COMMD10: variants seen among roughly 807,000 people sequenced by gnomAD.
COMMD10 encodes the protein COMM domain containing 10.
COMMD10 carries 33 observed loss-of-function variants against 28.9 expected under a neutral mutation model. That is an observed-to-expected ratio of 1.14 (90% CI 0.87 to 1.53). COMMD10 has a LOEUF of 1.53. Among genes scored for constraint, COMMD10 ranks in the 40% most tolerant of loss-of-function variants. COMMD10 has a pLI of 0.00. For synonymous variants in COMMD10, 110 were observed against 81.7 expected (o/e 1.35, Z -1.87); for missense variants, 310 against 233.4 (o/e 1.33, Z -2.14).
intron 5 of COMMD10, among the ~76,000 whole-genome samples, chr5:116,196,966 T>C (rs1292645493): frequency 6.6e-6 from 1 of 152,184 alleles, no homozygotes; most frequent in African/African-American, 2.4e-5. Flanking sequence ...TATCTTTCAG[T>C]ATGTGCTTAC....
At chr5:116,198,747 T>A (rs7725500) in intron 5 of COMMD10, among the ~76,000 whole-genome samples, 98,342 of 152,080 alleles carry the variant, frequency 0.65, 36,808 homozygotes, top group South Asian at 0.86. Flanking sequence ...CTTTCACTTA[T>A]TAGTATGCAT....
At chr5:116,247,941 C>T (rs1749996547) in intron 5 of COMMD10, among the ~76,000 whole-genome samples, 1 of 151,712 alleles carries the variant, frequency 6.6e-6, no homozygotes, top group African/African-American at 2.4e-5. Flanking sequence ...AGCAAATATG[C>T]ACATGTACCC....
intron 5 of COMMD10, among the ~76,000 whole-genome samples, chr5:116,206,253 A>G (rs1363482): frequency 0.37 from 56,459 of 152,096 alleles, 13,034 homozygotes; most frequent in African/African-American, 0.66. Flanking sequence ...TATTTGTTCC[A>G]TTGAGTAGCC....
chr5:116,292,481 C>G lies in COMMD10; in HGVS notation c.601C>G (p.Leu201Val). The change falls in exon 7 of 7, where the codon CTT becomes GTT. Residue 201 changes from leucine to valine, a missense_variant. Transcript: ENST00000274458. ...LETIQAQLDS[L>V]T is the part of the protein sequence containing the mutation. Reference sequence around the variant, plus strand: ...GACTATACAAGCACAGCTGGATTCCCTTACATGATGTTTTCGAAGACTGTT... The same window carrying G: ...GACTATACAAGCACAGCTGGATTCCGTTACATGATGTTTTCGAAGACTGTT... The G allele has an allele frequency of 1.3e-6, 2 of 1,579,120 alleles. No homozygotes were observed. The highest frequency in any genetic ancestry group is 1.7e-6 in the Non-Finnish European group (2 of 1,162,492).
rs193097080 is a variant in COMMD10, at chr5:116,222,883, G to A, written c.511-68634G>A. Among the ~76,000 whole-genome samples, 332 of 152,160 alleles carry A rather than the reference G, an allele frequency of 2.2e-3. 1 individual carries two copies. The highest frequency in any genetic ancestry group is 4.0e-3 in the Non-Finnish European group (270 of 67,984). On this transcript the variant is annotated intron_variant, in intron 5 of 6. Coordinates refer to ENST00000274458, the MANE Select transcript of COMMD10 (RefSeq NM_016144.4). ...ATTTTTTGTATTTTTGGTAGGGACA[G>A]GGTTTCACCATGTTGATCAGGCTTG... is the stretch of plus-strand genomic sequence containing the variant.
At chr5:116,091,958 A>G (rs973065949) in intron 3 of COMMD10, among the ~76,000 whole-genome samples, 1 of 152,248 alleles carries the variant, frequency 6.6e-6, no homozygotes, top group Non-Finnish European at 1.5e-5. Flanking sequence ...CATACATTAT[A>G]GATCACAAAG....
chr5:116,148,396 G>A (rs747421970), intron 5 of COMMD10, among the ~76,000 whole-genome samples: 2 of 151,554 alleles, frequency 1.3e-5, no homozygotes, highest in Non-Finnish European at 2.9e-5. Flanking sequence ...GAGTAGATAC[G>A]AAGTTTCTTT....
At chr5:116,217,987 C>T (rs1749149225) in intron 5 of COMMD10, 1 of 921,234 alleles carries the variant, frequency 1.1e-6, no homozygotes, top group Non-Finnish European at 1.8e-6. Flanking sequence ...ACTGTTCAGT[C>T]ACCAGAAGTA....
At chr5:116,290,673 A>G (rs568349725) in intron 5 of COMMD10, among the ~76,000 whole-genome samples, 2 of 151,984 alleles carry the variant, frequency 1.3e-5, no homozygotes, top group Admixed American at 6.5e-5. Context: ...ATGTCATGTG[A>G]TTACAGCAGT....
intron 5 of COMMD10, among the ~76,000 whole-genome samples, chr5:116,182,271 A>G (rs1376008791): frequency 1.3e-5 from 2 of 151,846 alleles, no homozygotes; most frequent in African/African-American, 2.4e-5. Flanking sequence ...GCTCTAGGCT[A>G]CTATTTAATA....
Position 116,292,542 on chromosome 5 carries a change from A to C in COMMD10, c.*53A>C. The C allele has an allele frequency of 6.8e-7, 1 of 1,473,858 alleles. No individual in the cohort carries two copies. The highest frequency in any genetic ancestry group is 9.2e-7 in the Non-Finnish European group (1 of 1,082,328). The allele number at this position is 1,473,858 out of a possible 1,614,324, so 91.3% of individuals were successfully genotyped here. On this transcript the variant is annotated 3_prime_UTR_variant, in exon 7 of 7. Transcript: ENST00000274458. Reference sequence around the variant, plus strand: ...CGCTCCTGCCACCTCATTATTTTGCATTGAAGATACATTGCCAGGTTGTGT... The same window carrying C: ...CGCTCCTGCCACCTCATTATTTTGCCTTGAAGATACATTGCCAGGTTGTGT...
intron 5 of COMMD10, among the ~76,000 whole-genome samples, chr5:116,253,883 T>G (rs1468131347): frequency 6.6e-6 from 1 of 151,100 alleles, no homozygotes; most frequent in East Asian, 1.9e-4. Context: ...TACTAGTTCC[T>G]CCTTGTACCT....
Position 116,147,624 on chromosome 5 carries a change from A to G in COMMD10, c.510+13446A>G, listed in dbSNP as rs182019886. The stretch of plus-strand genomic sequence containing the variant: ...ATTGTTGCGGCTGGTTAACCAAAAC[A>G]TGTATTTCACAAATGACATGTAATG... On this transcript the variant is annotated intron_variant, in intron 5 of 6. Coordinates refer to ENST00000274458, the MANE Select transcript of COMMD10 (RefSeq NM_016144.4). Among the ~76,000 whole-genome samples, 445 of 152,024 alleles carry G rather than the reference A, an allele frequency of 2.9e-3. 1 individual carries two copies. Among genetic ancestry groups the G allele is most frequent in the Non-Finnish European group, 5.0e-3 (342 of 67,880 alleles).
intron 5 of COMMD10, among the ~76,000 whole-genome samples, chr5:116,229,963 C>A (rs77856716): frequency 0.073 from 11,053 of 151,100 alleles, 477 homozygotes; most frequent in Admixed American, 0.13. Context: ...TACCTGAGCC[C>A]CCCCAAAAAA....
chr5:116,248,298 A>G lies in COMMD10; in HGVS notation c.511-43219A>G, dbSNP rs189634441. Among the ~76,000 whole-genome samples the G allele has an allele frequency of 4.2e-3, 646 of 152,104 alleles. 3 individuals are homozygous for G. The highest frequency in any genetic ancestry group is 4.5e-3 in the Non-Finnish European group (309 of 67,946). ...AGTGTAGCTTTTGGACAGCATTGAA[A>G]GTTTCAGATACAGATGGATACAGAT... On this transcript the variant is annotated intron_variant, in intron 5 of 6. Coordinates refer to ENST00000274458, the MANE Select transcript of COMMD10 (RefSeq NM_016144.4).
intron 5 of COMMD10, among the ~76,000 whole-genome samples, chr5:116,195,250 G>C (rs1748479675): frequency 6.6e-6 from 1 of 152,066 alleles, no homozygotes; most frequent in South Asian, 2.1e-4. Flanking sequence ...TCTGAGAACT[G>C]GAACAAGATA....
At chr5:116,170,559 G>A (rs1416977343) in intron 5 of COMMD10, among the ~76,000 whole-genome samples, 1 of 152,088 alleles carries the variant, frequency 6.6e-6, no homozygotes, top group Non-Finnish European at 1.5e-5. Flanking sequence ...CAAAGCTGGA[G>A]GCATCACACT....
Position 116,268,701 on chromosome 5 carries a change from T to TG in COMMD10, c.511-22815dup, listed in dbSNP as rs567016451. On this transcript the variant is annotated intron_variant, in intron 5 of 6. Coordinates refer to ENST00000274458, the MANE Select transcript of COMMD10 (RefSeq NM_016144.4). ...AGCAAAGACTTGGAACCAACCCAAA[T>TG]GCCCATCAGTGATAGACTGGATTAA... 7.0e-4 allele frequency among the ~76,000 whole-genome samples: 106 copies of TG among 151,978 alleles called. 1 individual carries two copies. The highest frequency in any genetic ancestry group is 2.6e-3 in the African/African-American group (106 of 41,272).
In COMMD10 at chr5:116,103,045, A is replaced by G. The variant is rs532552040; in HGVS notation, c.399+10345A>G. On this transcript the variant is annotated intron_variant, in intron 4 of 6. Coordinates refer to ENST00000274458, the MANE Select transcript of COMMD10 (RefSeq NM_016144.4). ...GTATTCCATGGTGTATATGTGCCAC[A>G]TTTTTTTTTAATCCAGTCTTTCATT... 3.3e-5 allele frequency among the ~76,000 whole-genome samples: 5 copies of G among 150,570 alleles called. No homozygotes were observed. In the South Asian group the frequency reaches 6.3e-4, roughly 19 times the overall value.
Sources: gnomAD v4.1 joint callset for allele counts (sites outside exome capture counted in the v4.1 genomes callset) on GRCh38, gnomAD v4.1.1 for gene constraint, MANE v1.5 for transcripts, NCBI Gene and HGNC (gene_info 2026-07-23, HGNC 2026-07-21) for gene names.